MBNL2: variants seen among roughly 807,000 people sequenced by gnomAD.
MBNL2 encodes muscleblind like splicing regulator 2.
In MBNL2, 17 loss-of-function variants were observed where a neutral mutation model predicts 41.9. That is an observed-to-expected ratio of 0.41 (90% confidence interval 0.28 to 0.61). The LOEUF (loss-of-function observed/expected upper bound fraction) is 0.61, where lower values mean the gene tolerates loss of function less well. Among genes scored for constraint, MBNL2 ranks in the 20% least tolerant of loss-of-function variants. The pLI is 0.35. For synonymous variants in MBNL2, 195 were observed against 182.9 expected, an observed-to-expected ratio of 1.07 and a Z score of -0.53; for missense variants, 336 against 505.6, an observed-to-expected ratio of 0.66 and a Z score of 3.22.
chr13:97,255,276 T>G (rs551353250), intron 1 of MBNL2, among the ~76,000 whole-genome samples: 2 of 152,344 alleles, frequency 1.3e-5, no homozygotes, highest in African/African-American at 4.8e-5. Flanking sequence ...AAATCTTTCC[T>G]TCTACTCTAT....
intron 8 of MBNL2, among the ~76,000 whole-genome samples, chr13:97,378,573 T>A (rs879450234): frequency 2.6e-5 from 4 of 152,138 alleles, no homozygotes; most frequent in Non-Finnish European, 5.9e-5. Flanking sequence ...TCAGAGAAAT[T>A]CGGTTTATAC....
chr13:97,233,137 A>ATATG (rs2152788298), intron 1 of MBNL2, among the ~76,000 whole-genome samples: 1 of 69,192 alleles, frequency 1.4e-5, no homozygotes, highest in East Asian at 9.8e-4. Flanking sequence ...ATATATATAT[A>ATATG]TATATATATA....
chr13:97,153,933 C>G, the MBNL2 span, among the ~76,000 whole-genome samples: 1 of 152,198 alleles, frequency 6.6e-6, no homozygotes, highest in African/African-American at 2.4e-5. Context: ...AAGAGACTTT[C>G]CAAACTCTCT....
the MBNL2 span, among the ~76,000 whole-genome samples, chr13:97,167,294 C>G: frequency 6.6e-6 from 1 of 151,740 alleles, no homozygotes; most frequent in Non-Finnish European, 1.5e-5. Flanking sequence ...GAATTGCTGT[C>G]AGAACTGTCT....
At chr13:97,246,428 C>T (rs2045487660) in intron 1 of MBNL2, among the ~76,000 whole-genome samples, 1 of 151,922 alleles carries the variant, frequency 6.6e-6, no homozygotes, top group Non-Finnish European at 1.5e-5. Context: ...TTATTTAAAA[C>T]CTAAAAAAGT....
the MBNL2 span, among the ~76,000 whole-genome samples, chr13:97,191,293 G>A: frequency 2.0e-5 from 3 of 150,780 alleles, no homozygotes; most frequent in Non-Finnish European, 4.4e-5. Context: ...CAGTGGGGAG[G>A]AGCCTGGCCC....
At chr13:97,247,623 G>A (rs1038423798) in intron 1 of MBNL2, among the ~76,000 whole-genome samples, 10 of 152,142 alleles carry the variant, frequency 6.6e-5, no homozygotes, top group African/African-American at 2.4e-4. Flanking sequence ...TGAGGCAGTG[G>A]TGTTACTTAT....
intron 8 of MBNL2, among the ~76,000 whole-genome samples, chr13:97,372,306 G>A (rs747452086): frequency 5.3e-5 from 8 of 152,136 alleles, no homozygotes; most frequent in Non-Finnish European, 7.3e-5. Flanking sequence ...TGACCTCAAA[G>A]TCTTACCACA....
chr13:97,280,606 T>C (rs1003813967), intron 2 of MBNL2, among the ~76,000 whole-genome samples: 1 of 152,170 alleles, frequency 6.6e-6, no homozygotes, highest in African/African-American at 2.4e-5. Context: ...ACACTCAGAG[T>C]AAAGAGCAAC....
intron 8 of MBNL2, among the ~76,000 whole-genome samples, chr13:97,391,068 C>T (rs2066366300): frequency 6.6e-6 from 1 of 152,108 alleles, no homozygotes; most frequent in South Asian, 2.1e-4. Context: ...TCTCTATATG[C>T]TGCCACAGTT....
intron 1 of MBNL2, among the ~76,000 whole-genome samples, chr13:97,247,528 C>T (rs2045705922): frequency 6.6e-6 from 1 of 152,194 alleles, no homozygotes; most frequent in Non-Finnish European, 1.5e-5. Context: ...TCATTTCTCT[C>T]ATACCTGTTT....
intron 1 of MBNL2, among the ~76,000 whole-genome samples, chr13:97,265,884 G>A (rs549144316): frequency 4.6e-5 from 7 of 152,044 alleles, no homozygotes; most frequent in Non-Finnish European, 1.0e-4. Context: ...TAGAGTCCAG[G>A]TTAGAAAAGC....
At chr13:97,212,773 G>A in the MBNL2 span, among the ~76,000 whole-genome samples, 6 of 152,282 alleles carry the variant, frequency 3.9e-5, no homozygotes, top group East Asian at 1.9e-4. Context: ...TCTCTTTGTC[G>A]TCAACACTAT....
intron 2 of MBNL2, among the ~76,000 whole-genome samples, chr13:97,315,104 C>T (rs891629620): frequency 1.3e-5 from 2 of 152,044 alleles, no homozygotes; most frequent in African/African-American, 4.8e-5. Context: ...TTTTAGGGGA[C>T]ACACCATATC....
chr13:97,348,074 ATTTTTTTTT>A (rs71692187), intron 5 of MBNL2, among the ~76,000 whole-genome samples: 1 of 120,318 alleles, frequency 8.3e-6, no homozygotes, highest in African/African-American at 3.1e-5. Flanking sequence ...GGGCAGTGGG[ATTTTTTTTT>A]TTTTTTTTTT....
upstream of MBNL2, chr13:97,221,631 C>A (rs1467941171): frequency 1.3e-5 from 2 of 152,132 alleles, no homozygotes; most frequent in African/African-American, 4.8e-5. Flanking sequence ...CTCGTGGGTG[C>A]CTGCCAAGAG....
the MBNL2 span, among the ~76,000 whole-genome samples, chr13:97,207,315 C>A: frequency 6.6e-6 from 1 of 152,120 alleles, no homozygotes; most frequent in East Asian, 1.9e-4. Context: ...GTGTATTAGT[C>A]CGTTTTCATG....
the MBNL2 span, among the ~76,000 whole-genome samples, chr13:97,199,976 C>A: frequency 6.6e-6 from 1 of 152,330 alleles, no homozygotes; most frequent in Admixed American, 6.5e-5. Context: ...AACATGTGGT[C>A]TTTGGATCTG....
chr13:97,154,264 T>C, the MBNL2 span, among the ~76,000 whole-genome samples: 19 of 152,256 alleles, frequency 1.2e-4, no homozygotes, highest in Admixed American at 7.2e-4. Flanking sequence ...ATAAGGCTTT[T>C]AGCTTTCACA....
Sources: allele counts gnomAD v4.1 joint callset (sites outside exome capture counted in the v4.1 genomes callset), GRCh38; gene constraint gnomAD v4.1.1; transcripts MANE v1.5; gene names NCBI Gene and HGNC (gene_info 2026-07-23, HGNC 2026-07-21).